The following WARS2 variants were observed in gnomAD, a reference collection of about 807,000 sequenced individuals.
WARS2 encodes the protein tryptophanyl tRNA synthetase 2, mitochondrial, also known as tryptophan--tRNA ligase, mitochondrial.
Under a neutral mutation model 36.5 loss-of-function variants are expected in WARS2, and 28 were observed. The observed-to-expected ratio is 0.77, with a 90% CI of 0.57 to 1.05. The LOEUF (loss-of-function observed/expected upper bound fraction) is 1.05. Ranked by LOEUF, WARS2 falls within the 50% of genes least tolerant of loss-of-function variation. The pLI, the probability that WARS2 is intolerant of heterozygous loss-of-function variation, is 0.00. For missense variants in WARS2, 435 were observed against 456.8 expected, an observed-to-expected ratio of 0.95 and a Z score of 0.44; for synonymous variants, 174 against 178.4, an observed-to-expected ratio of 0.98 and a Z score of 0.20.
intron 1 of WARS2, among the ~76,000 whole-genome samples, chr1:119,102,537 G>T (rs994314593): frequency 1.3e-5 from 2 of 152,126 alleles, no homozygotes; most frequent in Non-Finnish European, 2.9e-5. Context: ...TCTGCATCAG[G>T]TTTTATGTTT....
Position 119,031,423 on chromosome 1 carries a change from A to G in WARS2, c.*1488T>C, listed in dbSNP as rs567493058. The stretch of plus-strand genomic sequence containing the variant: ...CAGGCTAGCTCCAAGAATCCTAAAA[A>G]CGATGTTTTAATTTGGAATCTGGGA... On this transcript the variant is annotated 3_prime_UTR_variant, in exon 6 of 6. Coordinates refer to ENST00000235521, the MANE Select transcript of WARS2 (RefSeq NM_015836.4). The G allele has an allele frequency of 3.9e-5, 6 of 152,160 alleles. No individual in the cohort carries two copies. Among genetic ancestry groups the G allele is most frequent in the African/African-American group, 4.8e-5 (2 of 41,438 alleles). 9.4% of individuals were successfully genotyped at this position (152,160 alleles called of 1,614,324 possible).
chr1:119,062,646 A>T (rs1281084655), intron 2 of WARS2, among the ~76,000 whole-genome samples: 2 of 152,182 alleles, frequency 1.3e-5, no homozygotes, highest in African/African-American at 4.8e-5. Context: ...TAATTGAGTC[A>T]TGGGGACCCG....
At chr1:119,098,078 G>A (rs979912638) in intron 1 of WARS2, among the ~76,000 whole-genome samples, 1 of 151,846 alleles carries the variant, frequency 6.6e-6, no homozygotes, top group Admixed American at 6.6e-5. Context: ...GTGAAACCCC[G>A]TCTCTACTAA....
rs376477153 is a variant in WARS2, at chr1:119,065,449, T to C, written c.348+10901A>G. 1.4e-4 allele frequency among the ~76,000 whole-genome samples: 21 copies of C among 151,800 alleles called. No individual in the cohort carries two copies. The East Asian group carries it at 3.5e-3, about 25-fold the overall frequency. On this transcript the variant is annotated intron_variant, in intron 2 of 5. Coordinates refer to ENST00000235521, the MANE Select transcript of WARS2 (RefSeq NM_015836.4). ...GAGTTTGAGACTAGCCTGGCCAACA[T>C]GACGAAACCCCGTCTCTACTAGATA...
intron 2 of WARS2, among the ~76,000 whole-genome samples, chr1:119,057,126 T>G (rs1649885979): frequency 6.6e-6 from 1 of 152,116 alleles, no homozygotes; most frequent in African/African-American, 2.4e-5. Flanking sequence ...GAACTTTTCA[T>G]GTGCTTATTA....
At chr1:119,099,786 A>G (rs974638476) in intron 1 of WARS2, among the ~76,000 whole-genome samples, 13 of 152,336 alleles carry the variant, frequency 8.5e-5, no homozygotes, top group South Asian at 8.3e-4. Context: ...ATCTCTTACC[A>G]TATACAGAAA....
At chr1:119,131,674 G>T (rs1656123934) in intron 1 of WARS2, among the ~76,000 whole-genome samples, 1 of 152,052 alleles carries the variant, frequency 6.6e-6, no homozygotes, top group Non-Finnish European at 1.5e-5. Flanking sequence ...TGTTAGCCAG[G>T]ATGGTCTTGA....
intron 1 of WARS2, among the ~76,000 whole-genome samples, chr1:119,111,325 T>C (rs1009884831): frequency 2.6e-5 from 4 of 152,146 alleles, no homozygotes; most frequent in Non-Finnish European, 5.9e-5. Context: ...TCTCAGTGAT[T>C]TGGTGAACCT....
chr1:119,099,896 G>T (rs1038198048), intron 1 of WARS2, among the ~76,000 whole-genome samples: 61 of 152,140 alleles, frequency 4.0e-4, no homozygotes, highest in African/African-American at 1.2e-3. Flanking sequence ...GCTAGGCAAA[G>T]AATTTATGAC....
intron 1 of WARS2, among the ~76,000 whole-genome samples, chr1:119,109,353 C>T (rs962790932): frequency 4.0e-5 from 6 of 151,842 alleles, no homozygotes; most frequent in Non-Finnish European, 8.8e-5. Context: ...GTTTTTGCCT[C>T]GTGTATTTTT....
chr1:119,124,104 G>A (rs1655500902), intron 1 of WARS2, among the ~76,000 whole-genome samples: 1 of 152,260 alleles, frequency 6.6e-6, no homozygotes, highest in Middle Eastern at 3.4e-3. Context: ...TCTTCCAGTT[G>A]CTCTGGCCAG....
At chr1:119,105,916 AT>A (rs1191255091) in intron 1 of WARS2, among the ~76,000 whole-genome samples, 2 of 149,834 alleles carry the variant, frequency 1.3e-5, no homozygotes, top group Non-Finnish European at 2.9e-5. Context: ...TCTCAAAAAA[AT>A]AAAAGTGTAT....
chr1:119,076,615 A>G lies in WARS2; in HGVS notation c.91-8T>C. The G allele has an allele frequency of 2.5e-6, 4 of 1,613,826 alleles. No homozygotes were observed. Among genetic ancestry groups the G allele is most frequent in the Non-Finnish European group, 3.4e-6 (4 of 1,179,846 alleles). On this transcript the variant is annotated splice_polypyrimidine_tract_variant and splice_region_variant and intron_variant, in intron 1 of 5. Coordinates refer to ENST00000235521, the MANE Select transcript of WARS2 (RefSeq NM_015836.4). ...TCGCTTCTTGCTGTCTTTCTGGAAC[A>G]AAGGAAAACAAGCATATTTGCTTTT...
At chr1:119,120,798 T>C (rs772216161) in intron 1 of WARS2, among the ~76,000 whole-genome samples, 4 of 152,234 alleles carry the variant, frequency 2.6e-5, no homozygotes, top group Non-Finnish European at 2.9e-5. Context: ...AAAAATCATA[T>C]GATCATCTCA....
chr1:119,091,787 G>C (rs1237517195), intron 1 of WARS2, among the ~76,000 whole-genome samples: 1 of 152,156 alleles, frequency 6.6e-6, no homozygotes, highest in Non-Finnish European at 1.5e-5. Context: ...ATGTGCAACT[G>C]GGAAGATTGA....
chr1:119,043,390 G>C (rs1056095407), intron 3 of WARS2, among the ~76,000 whole-genome samples: 1 of 152,128 alleles, frequency 6.6e-6, no homozygotes, highest in Non-Finnish European at 1.5e-5. Context: ...TTACAAACTT[G>C]GGATACCCCT....
chr1:119,094,381 T>A (rs924727887), intron 1 of WARS2, among the ~76,000 whole-genome samples: 2 of 151,824 alleles, frequency 1.3e-5, no homozygotes, highest in African/African-American at 4.9e-5. Context: ...GACTTTTTTT[T>A]CCCCCTTTGA....
chr1:119,121,365 T>C (rs1026629718), intron 1 of WARS2, among the ~76,000 whole-genome samples: 4 of 151,938 alleles, frequency 2.6e-5, no homozygotes, highest in African/African-American at 9.7e-5. Flanking sequence ...AAGGAAAACG[T>C]TGAAATACTG....
intron 2 of WARS2, among the ~76,000 whole-genome samples, chr1:119,070,335 C>T (rs1168868827): frequency 6.6e-6 from 1 of 152,030 alleles, no homozygotes; most frequent in Non-Finnish European, 1.5e-5. Context: ...GGTCTCTGCT[C>T]ACTTCCACCT....
Sources: gnomAD v4.1 joint callset for allele counts (sites outside exome capture counted in the v4.1 genomes callset) on GRCh38, gnomAD v4.1.1 for gene constraint, MANE v1.5 for transcripts, NCBI Gene and HGNC (gene_info 2026-07-23, HGNC 2026-07-21) for gene names.